The following SAPCD2 variants were observed in gnomAD, a reference collection of about 807,000 sequenced individuals.
SAPCD2 encodes the protein suppressor APC domain containing 2.
SAPCD2 carries 34 observed loss-of-function variants against 37.8 expected under a neutral mutation model. The ratio of observed to expected loss-of-function variants is 0.90; its 90% CI spans 0.68 to 1.20. The LOEUF (loss-of-function observed/expected upper bound fraction) is 1.20, where lower values mean the gene tolerates loss of function less well. Ranked by LOEUF, SAPCD2 falls within the 50% of genes most tolerant of loss-of-function variation. The pLI, the probability that SAPCD2 is intolerant of heterozygous loss-of-function variation, is 0.00. For missense variants in SAPCD2, 572 were observed against 584.7 expected (o/e 0.98, Z 0.22); for synonymous variants, 275 against 270.3 (o/e 1.02, Z -0.17).
At chr9:137,069,577 T>C (rs1832594791) in intron 1 of SAPCD2, among the ~76,000 whole-genome samples, 1 of 152,182 alleles carries the variant, frequency 6.6e-6, no homozygotes, top group South Asian at 2.1e-4. Flanking sequence ...GAGCCCAAGC[T>C]CAGGCTTGGT....
At chr9:137,069,101 G>A (rs545112353) in intron 1 of SAPCD2, among the ~76,000 whole-genome samples, 2 of 152,372 alleles carry the variant, frequency 1.3e-5, no homozygotes, top group East Asian at 3.9e-4. Flanking sequence ...CGAATGGGCT[G>A]TGGGGCCTGG....
chr9:137,069,448 C>T (rs965689265), intron 1 of SAPCD2, among the ~76,000 whole-genome samples: 7 of 152,346 alleles, frequency 4.6e-5, no homozygotes, highest in African/African-American at 1.7e-4. Context: ...CCTGGCTAAG[C>T]TGTCACACTG....
chr9:137,067,661 C>T (rs1048539936), intron 1 of SAPCD2, among the ~76,000 whole-genome samples: 12 of 149,774 alleles, frequency 8.0e-5, no homozygotes, highest in South Asian at 2.1e-4. Flanking sequence ...GTAATCCCAG[C>T]TACTCGGGAG....
rs777563126 is a variant in SAPCD2 at position 137,065,601 on chromosome 9, C to G, written c.752G>C (p.Arg251Pro). The G allele has an allele frequency of 6.2e-7, 1 of 1,610,706 alleles. No individual in the cohort carries two copies. The highest frequency in any genetic ancestry group is 8.5e-7 in the Non-Finnish European group (1 of 1,178,414). The change falls in exon 3 of 6, where the codon CGG becomes CCG. Residue 251 changes from arginine to proline, a missense_variant. Transcript: ENST00000409687. Reference protein sequence around the residue: ...VLLQGLEMMARGRDWYQQQLQ... With the variant: ...VLLQGLEMMAPGRDWYQQQLQ... ...CTGCTGCTGGTACCAGTCGCGGCCC[C>G]GCGCCATCATCTCCAAACCCTGCAG...
intron 2 of SAPCD2, 39 bp downstream of exon 2, chr9:137,066,223 C>G (rs570385611): frequency 6.4e-5 from 97 of 1,515,150 alleles, no homozygotes; most frequent in Non-Finnish European, 7.8e-5. Context: ...AGCCTCCAGG[C>G]AAGATGGAGA....
Position 137,070,156 on chromosome 9 carries a change from G to C in SAPCD2, c.305C>G (p.Pro102Arg). 8.2e-7 allele frequency: 1 copy of C among 1,217,826 alleles called. No individual in the cohort carries two copies. The highest frequency in any genetic ancestry group is 1.0e-6 in the Non-Finnish European group (1 of 978,604). 75.4% of individuals were successfully genotyped at this position (1,217,826 alleles called of 1,614,324 possible). The change falls in exon 1 of 6, where the codon CCC (proline) becomes CGC (arginine). Residue 102 changes from proline (P) to arginine (R), a missense_variant. Coordinates refer to ENST00000409687, the MANE Select transcript of SAPCD2 (RefSeq NM_178448.4). ...RTSLLSADGG[P>R]RDPTRAPARP... ...GGCCGGGGCGCGCGTGGGGTCCCGG[G>C]GGCCGCCGTCGGCGCTCAGCAGGGA...
chr9:137,065,295 A>G, intron 3 of SAPCD2, 110 bp from the exon 4 acceptor site: 10 of 949,620 alleles, frequency 1.1e-5, no homozygotes, highest in African/African-American at 1.7e-5. Flanking sequence ...GATGCTGCAG[A>G]GAGCCTAGAG....
intron 5 of SAPCD2, 23 bp downstream of exon 5, chr9:137,064,840 C>G (rs9314873): frequency 0.24 from 373,395 of 1,572,196 alleles, 46,055 homozygotes; most frequent in East Asian, 0.35. Context: ...CCCACCCCTG[C>G]ACCCCTCCCG....
In SAPCD2 at chr9:137,070,277, G is replaced by A; in HGVS notation, c.184C>T (p.Arg62Trp). The change falls in exon 1 of 6, where the codon CGG (arginine) becomes TGG (tryptophan). Residue 62 changes from arginine to tryptophan, a missense_variant. Transcript: ENST00000409687. ...IESRWQGTDA[R>W]ELPRGVLEGL... Reference sequence around the variant, plus strand: ...TCCAGCACCCCGCGGGGCAGCTCCCGCGCGTCGGTGCCCTGCCAGCGGGAC... The same window carrying A: ...TCCAGCACCCCGCGGGGCAGCTCCCACGCGTCGGTGCCCTGCCAGCGGGAC... 1 of 1,456,936 alleles carries A rather than the reference G, an allele frequency of 6.9e-7. No homozygotes were observed. The highest frequency in any genetic ancestry group is 9.0e-7 in the Non-Finnish European group (1 of 1,106,488). The allele number at this position is 1,456,936 out of a possible 1,614,324, so 90.3% of individuals were successfully genotyped here.
At position 137,065,600 on chromosome 9, in the gene SAPCD2, C is replaced by T. The variant is rs1832533820; in HGVS notation, c.753G>A (p.Arg251=). Residue 251 remains arginine, a synonymous_variant, in exon 3 of 6, where the codon CGG becomes CGA. Transcript: ENST00000409687. ...GCTGCTGCTGGTACCAGTCGCGGCC[C>T]CGCGCCATCATCTCCAAACCCTGCA... is the stretch of plus-strand genomic sequence containing the variant. The part of the protein sequence containing the change: ...VLLQGLEMMA[R]GRDWYQQQLQ... 1 of 1,610,968 alleles carries T rather than the reference C, an allele frequency of 6.2e-7. No individual in the cohort carries two copies. Among genetic ancestry groups the T allele is most frequent in the Admixed American group, 1.7e-5 (1 of 59,868 alleles).
In SAPCD2 at chr9:137,066,326, C is replaced by T. The variant is rs763055343; in HGVS notation, c.620G>A (p.Arg207Gln). Reference sequence around the variant, plus strand: ...ACGTTCCCCTCGGGCACGGGGAGCCCGCCGGGCATCCCCTGAGTCCGCCTC... The same window carrying T: ...ACGTTCCCCTCGGGCACGGGGAGCCTGCCGGGCATCCCCTGAGTCCGCCTC... The part of the protein sequence containing the change: ...ALEADSGDAR[R>Q]APRARGERRR... Residue 207 changes from arginine (R) to glutamine (Q), a missense_variant, in exon 2 of 6, where the codon CGG (arginine) becomes CAG (glutamine). Coordinates refer to ENST00000409687, the MANE Select transcript of SAPCD2 (RefSeq NM_178448.4). The T allele has an allele frequency of 1.2e-5, 20 of 1,609,828 alleles. No homozygotes were observed. Among genetic ancestry groups the T allele is most frequent in the South Asian group, 4.4e-5 (4 of 90,516 alleles).
At position 137,069,399 on chromosome 9, in the gene SAPCD2, G is replaced by A. The variant is rs186256317; in HGVS notation, c.571+491C>T. On this transcript the variant is annotated intron_variant, in intron 1 of 5. Coordinates refer to ENST00000409687, the MANE Select transcript of SAPCD2 (RefSeq NM_178448.4). ...TCTTGGGCCACCAGCAGCAGCCCCCGCCTGCCTAGGCCTCAGTGGGGTCAG... is the reference window on the plus strand; with the variant it reads ...TCTTGGGCCACCAGCAGCAGCCCCCACCTGCCTAGGCCTCAGTGGGGTCAG... Among the ~76,000 whole-genome samples the A allele has an allele frequency of 1.4e-4, 21 of 152,250 alleles. No individual in the cohort carries two copies. In the East Asian group the frequency reaches 3.3e-3, roughly 24 times the overall value.
rs1832507522 is a variant in SAPCD2, at chr9:137,064,237, G to A, written c.*422C>T. On this transcript the variant is annotated 3_prime_UTR_variant, in exon 6 of 6. Transcript: ENST00000409687. Reference sequence around the variant, plus strand: ...AGCGGGAAGCTGCCCTTGGACCCGCGTCGGAGCCGCCCCGCGCCCTCTGCT... The same window carrying A: ...AGCGGGAAGCTGCCCTTGGACCCGCATCGGAGCCGCCCCGCGCCCTCTGCT... 3 of 223,242 alleles carry A rather than the reference G, an allele frequency of 1.3e-5. No individual in the cohort carries two copies. In the South Asian group the frequency reaches 1.5e-4, roughly 11 times the overall value. 13.8% of individuals were successfully genotyped at this position (223,242 alleles called of 1,614,324 possible).
At chr9:137,065,245 G>T in intron 3 of SAPCD2, 60 bp from the exon 4 acceptor site, 2 of 1,230,718 alleles carry the variant, frequency 1.6e-6, no homozygotes, top group Non-Finnish European at 2.2e-6. Flanking sequence ...CCAGCAAGGT[G>T]CCTTGATAGG....
intron 1 of SAPCD2, among the ~76,000 whole-genome samples, chr9:137,066,584 G>A (rs1317421918): frequency 6.6e-6 from 1 of 152,214 alleles, no homozygotes; most frequent in African/African-American, 2.4e-5. Context: ...GTGCCGCCAA[G>A]CCCGCATGTT....
Position 137,070,096 on chromosome 9 carries a change from C to G in SAPCD2, c.365G>C (p.Arg122Pro). ...PGDQPPPPPQ[R>P]LVFAPADEPR... The stretch of plus-strand genomic sequence containing the variant: ...CTCGTCGGCCGGAGCGAACACCAGG[C>G]GCTGCGGCGGCGGCGGCGGCTGATC... Residue 122 changes from arginine (R) to proline (P), a missense_variant, in exon 1 of 6, where the codon CGC becomes CCC. Physicochemically the swap from Arg to Pro is moderately radical, Grantham distance 103. Transcript: ENST00000409687. 2 of 1,191,354 alleles carry G rather than the reference C, an allele frequency of 1.7e-6. No individual in the cohort carries two copies. The highest frequency in any genetic ancestry group is 2.1e-6 in the Non-Finnish European group (2 of 962,658). 73.8% of individuals were successfully genotyped at this position (1,191,354 alleles called of 1,614,324 possible). A position where few individuals can be genotyped will look rare whatever the true frequency, so the allele number is the denominator to read the frequency against.
At chr9:137,066,420 G>A (rs1832547479) in intron 1 of SAPCD2, 46 bp from the exon 2 acceptor site, 2 of 1,441,754 alleles carry the variant, frequency 1.4e-6, no homozygotes, top group East Asian at 2.5e-5. Flanking sequence ...GACCTGCCTG[G>A]CCAGGCTCTG....
In SAPCD2 at chr9:137,070,181, A is replaced by C. The variant is rs1310353905; in HGVS notation, c.280T>G (p.Ser94Ala). The C allele has an allele frequency of 2.2e-6, 3 of 1,334,326 alleles. No homozygotes were observed. The East Asian group carries it at 9.7e-5, about 43-fold the overall frequency. The allele number at this position is 1,334,326 out of a possible 1,614,324, so 82.7% of individuals were successfully genotyped here. A position where few individuals can be genotyped will look rare whatever the true frequency, so the allele number is the denominator to read the frequency against. The change falls in exon 1 of 6, where the codon TCC becomes GCC. Residue 94 changes from serine to alanine, a missense_variant. Transcript: ENST00000409687. The stretch of plus-strand genomic sequence containing the variant: ...GGGCCGCCGTCGGCGCTCAGCAGGG[A>C]GGTGCGCAGGCCGGCCACGAAGCGC... ...FERFVAGLRTSLLSADGGPRD... is the reference protein window; with the variant it reads ...FERFVAGLRTALLSADGGPRD...
chr9:137,067,698 C>T (rs901038323), intron 1 of SAPCD2, among the ~76,000 whole-genome samples: 3 of 144,670 alleles, frequency 2.1e-5, no homozygotes, highest in African/African-American at 5.0e-5. Context: ...CGCTTGAACC[C>T]AGGAGGCGGA....
Sources: allele counts gnomAD v4.1 joint callset (sites outside exome capture counted in the v4.1 genomes callset), GRCh38; gene constraint gnomAD v4.1.1; transcripts MANE v1.5; gene names NCBI Gene and HGNC (gene_info 2026-07-23, HGNC 2026-07-21).